FBXL17: variants seen among roughly 807,000 people sequenced by gnomAD.
FBXL17 encodes the protein F-box and leucine rich repeat protein 17.
FBXL17 carries 22 observed loss-of-function variants against 66.2 expected under a neutral mutation model. The observed-to-expected ratio is 0.33, with a 90% CI of 0.24 to 0.47. The LOEUF (loss-of-function observed/expected upper bound fraction) is 0.47, where lower values mean the gene tolerates loss of function less well. Ranked by LOEUF, FBXL17 falls within the 20% of genes least tolerant of loss-of-function variation. The pLI, the probability that FBXL17 is intolerant of heterozygous loss-of-function variation, is 1.00. For synonymous variants in FBXL17, 474 were observed against 400.5 expected (o/e 1.18, Z -2.19); for missense variants, 878 against 948.2 (o/e 0.93, Z 0.97).
intron 7 of FBXL17, among the ~76,000 whole-genome samples, chr5:107,977,098 G>A (rs1414082045): frequency 6.6e-6 from 1 of 152,170 alleles, no homozygotes; most frequent in African/African-American, 2.4e-5. Context: ...GTATAGGCAA[G>A]CAGGAGCTAA....
chr5:108,364,096 GGATA>G (rs1398574333), intron 3 of FBXL17, among the ~76,000 whole-genome samples: 1 of 151,914 alleles, frequency 6.6e-6, no homozygotes, highest in Non-Finnish European at 1.5e-5. Context: ...TCACTATTTA[GGATA>G]GAGTCTTCCC....
chr5:108,203,121 G>A (rs190913133), intron 5 of FBXL17, among the ~76,000 whole-genome samples: 33 of 152,058 alleles, frequency 2.2e-4, no homozygotes, highest in Middle Eastern at 3.4e-3. Context: ...AAGAACATAA[G>A]TATGTCAGGA....
intron 6 of FBXL17, among the ~76,000 whole-genome samples, chr5:108,138,701 G>A (rs1385635637): frequency 6.6e-6 from 1 of 152,148 alleles, no homozygotes; most frequent in African/African-American, 2.4e-5. Context: ...GATTTAGTGT[G>A]CAATTGGCAC....
At chr5:107,865,385 T>C (rs1368038747) in intron 8 of FBXL17, among the ~76,000 whole-genome samples, 1 of 142,150 alleles carries the variant, frequency 7.0e-6, no homozygotes, top group Non-Finnish European at 1.5e-5. Flanking sequence ...TTGTTCACTT[T>C]AGTAAATAAT....
In FBXL17 at chr5:108,381,843, G is replaced by T; in HGVS notation, c.-152C>A. The T allele has an allele frequency of 7.7e-7, 1 of 1,298,852 alleles. No individual in the cohort carries two copies. The highest frequency in any genetic ancestry group is 9.8e-7 in the Non-Finnish European group (1 of 1,024,030). 80.5% of individuals were successfully genotyped at this position (1,298,852 alleles called of 1,614,324 possible). A position where few individuals can be genotyped will look rare whatever the true frequency, so the allele number is the denominator to read the frequency against. ...ACGCACACACGGGCACACACGCGACGGTGGGGGGTGGGCGTCAGCTGCGGG... is the reference window on the plus strand; with the variant it reads ...ACGCACACACGGGCACACACGCGACTGTGGGGGGTGGGCGTCAGCTGCGGG... On this transcript the variant is annotated 5_prime_UTR_variant, in exon 1 of 9. Transcript: ENST00000542267.
At chr5:108,190,856 C>T (rs1348914638) in intron 5 of FBXL17, among the ~76,000 whole-genome samples, 1 of 152,050 alleles carries the variant, frequency 6.6e-6, no homozygotes, top group African/African-American at 2.4e-5. Flanking sequence ...TCTCCACACC[C>T]AAAAAGTTTT....
chr5:108,170,172 G>A (rs1422941499), intron 6 of FBXL17, among the ~76,000 whole-genome samples: 2 of 151,832 alleles, frequency 1.3e-5, no homozygotes, highest in Admixed American at 6.6e-5. Flanking sequence ...CCAAAAATAG[G>A]AATTCAGTTT....
chr5:107,880,613 TAC>T (rs1748756971), intron 8 of FBXL17: 2 of 1,103,338 alleles, frequency 1.8e-6, no homozygotes, highest in South Asian at 7.1e-5. Flanking sequence ...GTACCAAAAT[TAC>T]ACACTTGTGA....
chr5:108,323,266 A>T (rs966397035), intron 4 of FBXL17, among the ~76,000 whole-genome samples: 1 of 146,782 alleles, frequency 6.8e-6, no homozygotes, highest in Non-Finnish European at 1.5e-5. Flanking sequence ...GTTGTAGAAT[A>T]AAAAAAAAAC....
intron 6 of FBXL17, among the ~76,000 whole-genome samples, chr5:108,109,615 T>C (rs1749951656): frequency 6.6e-6 from 1 of 152,202 alleles, no homozygotes; most frequent in African/African-American, 2.4e-5. Flanking sequence ...TTTTCTTGAT[T>C]ATCTGTCTTG....
intron 6 of FBXL17, among the ~76,000 whole-genome samples, chr5:108,154,585 A>T (rs1300533429): frequency 2.5e-5 from 3 of 118,600 alleles, no homozygotes; most frequent in African/African-American, 6.6e-5. Context: ...AATGAAACTC[A>T]GTTTCAAAAA....
intron 7 of FBXL17, among the ~76,000 whole-genome samples, chr5:107,984,909 G>A (rs971334351): frequency 6.6e-6 from 1 of 152,150 alleles, no homozygotes; most frequent in Non-Finnish European, 1.5e-5. Flanking sequence ...TTTTGTTGCT[G>A]AAGTTGTGTA....
At chr5:107,907,961 C>T (rs1749820247) in intron 7 of FBXL17, among the ~76,000 whole-genome samples, 1 of 152,248 alleles carries the variant, frequency 6.6e-6, no homozygotes, top group East Asian at 1.9e-4. Context: ...ACCCAAAGGA[C>T]TATAAATCAT....
intron 6 of FBXL17, among the ~76,000 whole-genome samples, chr5:108,060,830 C>T (rs1259204286): frequency 6.6e-6 from 1 of 152,090 alleles, no homozygotes; most frequent in Non-Finnish European, 1.5e-5. Context: ...CCGCACACCA[C>T]CACCAAAAGG....
intron 8 of FBXL17, among the ~76,000 whole-genome samples, chr5:107,866,602 C>T (rs759454825): frequency 3.3e-5 from 5 of 152,108 alleles, no homozygotes; most frequent in East Asian, 1.9e-4. Context: ...TATTAATTTC[C>T]GCAGAAAGTT....
chr5:108,114,418 A>G (rs549415608), intron 6 of FBXL17, among the ~76,000 whole-genome samples: 1 of 152,190 alleles, frequency 6.6e-6, no homozygotes, highest in Non-Finnish European at 1.5e-5. Flanking sequence ...ATTGTTAATG[A>G]AAGACAATTA....
intron 1 of FBXL17, among the ~76,000 whole-genome samples, chr5:108,373,233 A>G (rs1033750441): frequency 7.3e-6 from 1 of 137,698 alleles, no homozygotes; most frequent in African/African-American, 2.5e-5. Context: ...TAATATAAAT[A>G]TAATATATAT....
At chr5:108,150,777 A>G (rs1751740185) in intron 6 of FBXL17, among the ~76,000 whole-genome samples, 1 of 152,218 alleles carries the variant, frequency 6.6e-6, no homozygotes. Flanking sequence ...ATGAAGGCAC[A>G]TAATAACGAT....
intron 6 of FBXL17, among the ~76,000 whole-genome samples, chr5:108,163,399 C>CTTTTTTTTTTTT (rs764052812): frequency 3.1e-5 from 4 of 129,542 alleles, no homozygotes; most frequent in Non-Finnish European, 4.7e-5. Flanking sequence ...TTTTTTTTTT[C>CTTTTTTTTTTTT]TTTTTTTTTT....
Sources: allele counts gnomAD v4.1 joint callset (sites outside exome capture counted in the v4.1 genomes callset), GRCh38; gene constraint gnomAD v4.1.1; transcripts MANE v1.5; gene names NCBI Gene and HGNC (gene_info 2026-07-23, HGNC 2026-07-21).